Variants in RYR2 observed in about 807,000 individuals in gnomAD.
The protein encoded by RYR2 is cardiac muscle ryanodine receptor-calcium release channel.
A neutral mutation model predicts 601.1 loss-of-function variants in RYR2; 227 were observed. The ratio of observed to expected loss-of-function variants is 0.38; its 90% CI spans 0.34 to 0.42. The LOEUF (loss-of-function observed/expected upper bound fraction) is 0.42, where lower values mean the gene tolerates loss of function less well. Ranked by LOEUF, RYR2 falls within the 10% of genes least tolerant of loss-of-function variation. The probability of loss-of-function intolerance (pLI) is 1.00; values close to 1 mark genes in which losing one functional copy is unlikely to be tolerated. For missense variants in RYR2, 4,646 were observed against 6,156.5 expected, an observed-to-expected ratio of 0.75 and a Z score of 8.21; for synonymous variants, 2,223 against 2,175.1, an observed-to-expected ratio of 1.02 and a Z score of -0.61.
At chr1:237,506,576 T>C in intron 22 of RYR2, 134 bp from the exon 23 acceptor site, 1 of 559,224 alleles carries the variant, frequency 1.8e-6, no homozygotes, top group East Asian at 3.0e-5. Context: ...GTGAAATAGA[T>C]GGCTTAGAAC....
At chr1:237,390,196 C>T (rs979030249) in intron 10 of RYR2, among the ~76,000 whole-genome samples, 2 of 145,628 alleles carry the variant, frequency 1.4e-5, no homozygotes, top group African/African-American at 5.7e-5. Context: ...TCTTTGGATC[C>T]TCAGTCCCTG....
At chr1:237,129,637 G>A (rs886726531) in intron 1 of RYR2, among the ~76,000 whole-genome samples, 2 of 150,458 alleles carry the variant, frequency 1.3e-5, no homozygotes, top group Non-Finnish European at 3.0e-5. Context: ...ATATATGTGT[G>A]TAGCATAATG....
chr1:237,509,047 T>G (rs1010499252), intron 23 of RYR2, among the ~76,000 whole-genome samples: 3 of 151,660 alleles, frequency 2.0e-5, no homozygotes, highest in African/African-American at 7.3e-5. Flanking sequence ...CGGCCAGGGT[T>G]TTCAAATATT....
intron 27 of RYR2, among the ~76,000 whole-genome samples, chr1:237,565,100 CT>C (rs747266167): frequency 1.5e-5 from 2 of 137,454 alleles, no homozygotes; most frequent in East Asian, 2.5e-4. Context: ...CTTCTCTTTT[CT>C]TTTCTTTCTT....
At chr1:237,191,489 G>C (rs114414380) in intron 1 of RYR2, among the ~76,000 whole-genome samples, 27 of 151,022 alleles carry the variant, frequency 1.8e-4, no homozygotes, top group African/African-American at 6.3e-4. Context: ...AGTCTTGACT[G>C]TCTTAGATTT....
chr1:237,780,649 T>C (rs1485042287), intron 88 of RYR2, among the ~76,000 whole-genome samples: 3 of 152,186 alleles, frequency 2.0e-5, no homozygotes, highest in Admixed American at 1.3e-4. Flanking sequence ...TGTTTCTTTA[T>C]GGTAAAAAAT....
At chr1:237,149,840 T>G (rs1320797606) in intron 1 of RYR2, among the ~76,000 whole-genome samples, 3 of 152,220 alleles carry the variant, frequency 2.0e-5, no homozygotes, top group East Asian at 3.8e-4. Flanking sequence ...CTGGGAATTT[T>G]TAGGTGAAGA....
intron 13 of RYR2, among the ~76,000 whole-genome samples, chr1:237,444,809 A>T (rs1708192478): frequency 1.3e-5 from 2 of 152,248 alleles, no homozygotes; most frequent in Admixed American, 1.3e-4. Flanking sequence ...ACAAAAAACT[A>T]TCAAAAGAAA....
At chr1:237,745,724 T>C (rs926774815) in intron 80 of RYR2, among the ~76,000 whole-genome samples, 2 of 152,170 alleles carry the variant, frequency 1.3e-5, no homozygotes, top group Non-Finnish European at 2.9e-5. Context: ...AAGGGCTACC[T>C]TTGAACTTAG....
In RYR2 at chr1:237,698,957, C is replaced by A; in HGVS notation, c.9068-8C>A. ...GGCAATTTATACAGCATTTTGTTTCCTCTTTAGGCAATGATGCAACATCAA... is the reference window on the plus strand; with the variant it reads ...GGCAATTTATACAGCATTTTGTTTCATCTTTAGGCAATGATGCAACATCAA... On this transcript the variant is annotated splice_polypyrimidine_tract_variant and splice_region_variant and intron_variant, in intron 63 of 104. Coordinates refer to ENST00000366574, the MANE Select transcript of RYR2 (RefSeq NM_001035.3). 1 of 1,526,022 alleles carries A rather than the reference C, an allele frequency of 6.6e-7. No individual in the cohort carries two copies. The highest frequency in any genetic ancestry group is 2.4e-5 in the East Asian group (1 of 41,642). 94.5% of individuals were successfully genotyped at this position (1,526,022 alleles called of 1,614,324 possible). A position where few individuals can be genotyped will look rare whatever the true frequency, so the allele number is the denominator to read the frequency against.
At chr1:237,642,890 A>T (rs1040443620) in intron 47 of RYR2, among the ~76,000 whole-genome samples, 1 of 152,246 alleles carries the variant, frequency 6.6e-6, no homozygotes, top group Non-Finnish European at 1.5e-5. Context: ...TCTTAGCACA[A>T]AGCAAGAAAG....
rs1060500143 is a variant in RYR2, at chr1:237,660,909, C to G, written c.8398C>G (p.Leu2800Val). Residue 2800 changes from leucine (L) to valine (V), a missense_variant, in exon 56 of 105, where the codon CTT becomes GTT. Around this residue, in one of 17 missense-constraint regions of RYR2, gnomAD observed 1,497 missense variants for 1,842.6 expected, o/e 0.81. Coordinates refer to ENST00000366574, the MANE Select transcript of RYR2 (RefSeq NM_001035.3). ...ERTREGDSMA[L>V]YNRTRRISQT... ...AACTCGGGAGGGAGACAGCATGGCC[C>G]TTTACAACCGGACTCGTCGTATTTC... 5 of 1,509,400 alleles carry G rather than the reference C, an allele frequency of 3.3e-6. No individual in the cohort carries two copies. The African/African-American group carries it at 5.6e-5, about 17-fold the overall frequency. The allele number at this position is 1,509,400 out of a possible 1,614,324, so 93.5% of individuals were successfully genotyped here.
intron 1 of RYR2, among the ~76,000 whole-genome samples, chr1:237,223,720 C>T (rs1684069541): frequency 6.6e-6 from 1 of 152,142 alleles, no homozygotes; most frequent in South Asian, 2.1e-4. Flanking sequence ...TATGGCCACA[C>T]CACAGGTTTG....
intron 28 of RYR2, among the ~76,000 whole-genome samples, chr1:237,567,958 CT>C (rs1672269514): frequency 8.2e-6 from 1 of 121,442 alleles, no homozygotes; most frequent in African/African-American, 2.8e-5. Context: ...AAATTTAACA[CT>C]TTTTTGGGGG....
At chr1:237,612,260 A>G (rs1164885380) in intron 36 of RYR2, among the ~76,000 whole-genome samples, 1 of 152,172 alleles carries the variant, frequency 6.6e-6, no homozygotes, top group East Asian at 1.9e-4. Flanking sequence ...AAAGTAGATT[A>G]GTAGTTACCT....
chr1:237,199,078 C>A (rs1253120164), intron 1 of RYR2, among the ~76,000 whole-genome samples: 2 of 152,104 alleles, frequency 1.3e-5, no homozygotes, highest in Non-Finnish European at 2.9e-5. Context: ...CGGGGTCCTG[C>A]AGAGTGTGTG....
At chr1:237,662,357 G>A (rs1481175256) in intron 56 of RYR2, among the ~76,000 whole-genome samples, 3 of 152,010 alleles carry the variant, frequency 2.0e-5, no homozygotes, top group East Asian at 3.9e-4. Context: ...TACAAAGATA[G>A]CAAGACAATT....
In RYR2 at chr1:237,106,981, TG is replaced by T. The variant is rs1475991755; in HGVS notation, c.48+64418del. 6.6e-5 allele frequency among the ~76,000 whole-genome samples: 10 copies of T among 152,108 alleles called. No homozygotes were observed. Among genetic ancestry groups the T allele is most frequent in the Non-Finnish European group, 8.8e-5 (6 of 68,022 alleles). The stretch of plus-strand genomic sequence containing the variant: ...GGGTTAAGATTTTAACATATGATTT[TG>T]GGGGGACTGAGGGACATAAACATTT... On this transcript the variant is annotated intron_variant, in intron 1 of 104. Coordinates refer to ENST00000366574, the MANE Select transcript of RYR2 (RefSeq NM_001035.3). This position sits in a 1 kb window ranked among gnomAD's most constrained non-coding sequence, Gnocchi z 4.4.
At chr1:237,134,716 A>G (rs1371811585) in intron 1 of RYR2, among the ~76,000 whole-genome samples, 1 of 152,188 alleles carries the variant, frequency 6.6e-6, no homozygotes, top group Non-Finnish European at 1.5e-5. Context: ...AGAATTTAAT[A>G]CTTCCTTTCA....
Sources: allele counts gnomAD v4.1 joint callset (sites outside exome capture counted in the v4.1 genomes callset), GRCh38; gene constraint gnomAD v4.1.1; regional missense constraint gnomAD v4.1.1; non-coding constraint Gnocchi (gnomAD v3.1); transcripts MANE v1.5; gene names NCBI Gene and HGNC (gene_info 2026-07-23, HGNC 2026-07-21).